The following BLTP1 variants were observed in gnomAD, a reference collection of about 807,000 sequenced individuals.
BLTP1 encodes the protein bridge-like lipid transfer protein family member 1, also known as fragile site-associated protein.
the BLTP1 span, chr4:122,286,804 T>G: frequency 6.3e-7 from 1 of 1,597,068 alleles, no homozygotes; most frequent in Non-Finnish European, 8.5e-7. Flanking sequence ...ACTTTAAAAT[T>G]TTCTTACTCT....
chr4:122,281,871 T>C, the BLTP1 span: 5 of 1,331,164 alleles, frequency 3.8e-6, no homozygotes, highest in Non-Finnish European at 2.9e-6. Flanking sequence ...TTTATAGATA[T>C]TATAAGTAAT....
At chr4:122,220,285 C>G in the BLTP1 span, 1 of 1,589,838 alleles carries the variant, frequency 6.3e-7, no homozygotes, top group Non-Finnish European at 8.5e-7. Flanking sequence ...TACTTCCTTA[C>G]TTTTTGCCTT....
chr4:122,281,772 C>G, the BLTP1 span: 1 of 1,526,330 alleles, frequency 6.6e-7, no homozygotes, highest in East Asian at 2.4e-5. Flanking sequence ...CATGGAATGA[C>G]AGGTAATATT....
the BLTP1 span, among the ~76,000 whole-genome samples, chr4:122,285,464 T>G: frequency 2.0e-4 from 30 of 151,662 alleles, no homozygotes; most frequent in Non-Finnish European, 4.1e-4. Flanking sequence ...TTGGTTGGAG[T>G]AGTGAGAGGA....
chr4:122,156,838 G>A, the BLTP1 span, among the ~76,000 whole-genome samples: 5 of 152,276 alleles, frequency 3.3e-5, no homozygotes, highest in South Asian at 6.2e-4. Flanking sequence ...TAATACAAGG[G>A]CTCAGGTCAA....
the BLTP1 span, chr4:122,315,835 A>G: frequency 2.8e-6 from 2 of 715,702 alleles, no homozygotes; most frequent in Non-Finnish European, 4.7e-6. Flanking sequence ...ACATTTCATA[A>G]TACTGTCTTT....
the BLTP1 span, chr4:122,250,407 T>G: frequency 6.2e-7 from 1 of 1,613,698 alleles, no homozygotes; most frequent in South Asian, 1.1e-5. Context: ...TTTGGAATTA[T>G]GGGTAAAGCT....
the BLTP1 span, among the ~76,000 whole-genome samples, chr4:122,338,628 C>A: frequency 7.3e-5 from 11 of 151,576 alleles, no homozygotes; most frequent in East Asian, 2.2e-3. Flanking sequence ...ACCCCTGCCC[C>A]CTACCATGTA....
At chr4:122,158,543 G>A in the BLTP1 span, among the ~76,000 whole-genome samples, 1 of 152,072 alleles carries the variant, frequency 6.6e-6, no homozygotes, top group East Asian at 1.9e-4. Flanking sequence ...TGAGGTGGGT[G>A]GATTACAAGG....
At chr4:122,321,219 A>C in the BLTP1 span, among the ~76,000 whole-genome samples, 3 of 152,186 alleles carry the variant, frequency 2.0e-5, no homozygotes, top group Admixed American at 6.5e-5. Context: ...AAGTCAAACC[A>C]TTATGAGTCA....
chr4:122,289,240 A>T, the BLTP1 span: 1 of 1,322,140 alleles, frequency 7.6e-7, no homozygotes, highest in Non-Finnish European at 1.1e-6. Flanking sequence ...TTTTATTCTC[A>T]TTGAGCGTGT....
At chr4:122,160,418 C>G in the BLTP1 span, among the ~76,000 whole-genome samples, 1 of 152,174 alleles carries the variant, frequency 6.6e-6, no homozygotes, top group African/African-American at 2.4e-5. Flanking sequence ...CTACAAATCA[C>G]TGTACATGTA....
At chr4:122,180,526 A>G in the BLTP1 span, among the ~76,000 whole-genome samples, 1 of 152,206 alleles carries the variant, frequency 6.6e-6, no homozygotes, top group Non-Finnish European at 1.5e-5. Flanking sequence ...TAGTGATTGG[A>G]GCCCAAGATT....
chr4:122,348,098 T>A, the BLTP1 span, among the ~76,000 whole-genome samples: 1 of 152,042 alleles, frequency 6.6e-6, no homozygotes, highest in Non-Finnish European at 1.5e-5. Flanking sequence ...GTAGTTCTCG[T>A]CAAAAGATTA....
the BLTP1 span, chr4:122,339,323 T>G: frequency 6.2e-7 from 1 of 1,613,628 alleles, no homozygotes; most frequent in Non-Finnish European, 8.5e-7. Context: ...CTTTAGGGAC[T>G]ACATATCCTG....
the BLTP1 span, chr4:122,306,633 C>A: frequency 1.0e-6 from 1 of 956,124 alleles, no homozygotes. Context: ...TAGAACAGTC[C>A]CTGGCATACA....
the BLTP1 span, chr4:122,178,040 AAG>A: frequency 3.1e-5 from 25 of 807,136 alleles, no homozygotes; most frequent in Non-Finnish European, 3.4e-5. Context: ...ATTTGTATAA[AAG>A]AGTAACAGAG....
At chr4:122,325,473 G>C in the BLTP1 span, 28 of 984,328 alleles carry the variant, frequency 2.8e-5, no homozygotes, top group Non-Finnish European at 3.3e-5. Context: ...CCAAGTAGTG[G>C]GCACTGCCCT....
the BLTP1 span, chr4:122,271,002 T>A: frequency 9.0e-6 from 14 of 1,555,776 alleles, no homozygotes; most frequent in Admixed American, 4.2e-5. Context: ...GTCCTTTTTT[T>A]ATTTCACGTT....
Sources: gnomAD v4.1 joint callset for allele counts (sites outside exome capture counted in the v4.1 genomes callset) on GRCh38, gnomAD v4.1.1 for gene constraint, MANE v1.5 for transcripts, NCBI Gene and HGNC (gene_info 2026-07-23, HGNC 2026-07-21) for gene names.